Variants in TRPC5OS observed in about 807,000 individuals in gnomAD.
The protein encoded by TRPC5OS is putative uncharacterized protein TRPC5OS.
For synonymous variants in TRPC5OS, 30 were observed against 29.3 expected (o/e 1.02, Z -0.08); for missense variants, 64 against 79.3 (o/e 0.81, Z 0.73).
intron 1 of TRPC5OS, among the ~76,000 whole-genome samples, chrX:111,893,095 T>TTC (rs1491006276): frequency 9.3e-6 from 1 of 108,103 alleles, no homozygotes; most frequent in African/African-American, 3.4e-5. Context: ...TTTTTTTTTT[T>TTC]CGGATACCAG....
chrX:111,888,724 GA>G (rs1366282058), intron 1 of TRPC5OS, among the ~76,000 whole-genome samples: 2 of 86,605 alleles, frequency 2.3e-5, no homozygotes, highest in Admixed American at 2.5e-4. Flanking sequence ...AAAAAAGAAA[GA>G]AAAGAAAAGA....
chrX:111,892,887 A>C (rs17004013), intron 1 of TRPC5OS, among the ~76,000 whole-genome samples: 18,387 of 111,034 alleles, frequency 0.17, 2,803 homozygotes, highest in African/African-American at 0.49. Flanking sequence ...GAATTTCTCC[A>C]GTGCAATTAT....
At chrX:111,899,661 A>C (rs1434496499) in intron 3 of TRPC5OS, among the ~76,000 whole-genome samples, 1 of 110,887 alleles carries the variant, frequency 9.0e-6, no homozygotes, top group Non-Finnish European at 1.9e-5. Flanking sequence ...TGTATATACC[A>C]TCTAGTAGTT....
rs1438065899 is a variant in TRPC5OS at position 111,903,791 on chromosome X, G to C, written c.*1606G>C. The stretch of plus-strand genomic sequence containing the variant: ...AGGCTGGTAGATGGCATTAGATTAG[G>C]TAGTACAAGTTTTCATCCCTATTTG... On this transcript the variant is annotated 3_prime_UTR_variant, in exon 4 of 4. Transcript: ENST00000635763. 1.8e-5 allele frequency: 2 copies of C among 111,996 alleles called. No homozygotes were observed. Among genetic ancestry groups the C allele is most frequent in the Admixed American group, 1.9e-4 (2 of 10,575 alleles). The allele number at this position is 111,996 out of a possible 1,213,427, so 9.2% of individuals were successfully genotyped here.
rs1339590571 is a variant in TRPC5OS, at chrX:111,902,260, G to GTA, written c.*79_*80dup. Reference sequence around the variant, plus strand: ...CTGTTTTAATATATTCTTATTTTCTGTATATTAGCAATATGTGTTTTCTCA... The same window carrying GTA: ...CTGTTTTAATATATTCTTATTTTCTGTATATATTAGCAATATGTGTTTTCTCA... On this transcript the variant is annotated 3_prime_UTR_variant, in exon 4 of 4. Transcript: ENST00000635763. 2.8e-5 allele frequency: 19 copies of GTA among 667,616 alleles called. No individual in the cohort carries two copies. Among genetic ancestry groups the GTA allele is most frequent in the Non-Finnish European group, 3.8e-5 (18 of 473,134 alleles). The allele number at this position is 667,616 out of a possible 1,213,427, so 55.0% of individuals were successfully genotyped here.
rs781263953 is a variant in TRPC5OS, at chrX:111,889,053, A to C, written c.-545-6898A>C. Reference sequence around the variant, plus strand: ...AGGAATCAATGTAATGAAAGTAGATAAACAAGTATGAGATTTTGGAGAAAG... The same window carrying C: ...AGGAATCAATGTAATGAAAGTAGATCAACAAGTATGAGATTTTGGAGAAAG... On this transcript the variant is annotated intron_variant, in intron 1 of 3. Transcript: ENST00000635763. Among the ~76,000 whole-genome samples, 14 of 112,401 alleles carry C rather than the reference A, an allele frequency of 1.2e-4. 1 individual carries two copies. The highest frequency in any genetic ancestry group is 9.4e-4 in the Admixed American group (10 of 10,637).
At chrX:111,895,437 T>C (rs1925019359) in intron 1 of TRPC5OS, among the ~76,000 whole-genome samples, 1 of 112,071 alleles carries the variant, frequency 8.9e-6, no homozygotes, top group Non-Finnish European at 1.9e-5. Flanking sequence ...TGGATAGAAG[T>C]CCTTTGTTAG....
At chrX:111,889,015 T>C (rs2148605641) in intron 1 of TRPC5OS, among the ~76,000 whole-genome samples, 1 of 112,175 alleles carries the variant, frequency 8.9e-6, no homozygotes, top group Admixed American at 9.4e-5. Context: ...GAATGTACTG[T>C]GTTGAATTTT....
At chrX:111,881,108 GT>G (rs954948393) in intron 1 of TRPC5OS, among the ~76,000 whole-genome samples, 3 of 110,399 alleles carry the variant, frequency 2.7e-5, no homozygotes, top group African/African-American at 1.0e-4. Context: ...GGAATGCTAT[GT>G]TTTTTTGTTG....
chrX:111,900,673 G>A (rs1449959521), intron 3 of TRPC5OS, among the ~76,000 whole-genome samples: 1 of 111,387 alleles, frequency 9.0e-6, no homozygotes, highest in Non-Finnish European at 1.9e-5. Context: ...TGTAGGATGG[G>A]CTTGTGAAAC....
At position 111,901,930 on chromosome X, in the gene TRPC5OS, T is replaced by G; in HGVS notation, c.81T>G (p.Leu27=). 1 of 1,154,874 alleles carries G rather than the reference T, an allele frequency of 8.7e-7. No homozygotes were observed. Among genetic ancestry groups the G allele is most frequent in the East Asian group, 3.3e-5 (1 of 30,756 alleles). The change falls in exon 4 of 4, where the codon CTT becomes CTG. Residue 27 remains leucine, a synonymous_variant. Transcript: ENST00000635763. ...AGTTAATAAGAATAGCTGATGAGCTTTTACAATTCATTCTACAAGTACAAG... is the reference window on the plus strand; with the variant it reads ...AGTTAATAAGAATAGCTGATGAGCTGTTACAATTCATTCTACAAGTACAAG... ...VAQLIRIADE[L]LQFILQVQEV... is the part of the protein sequence containing the mutation.
At chrX:111,885,815 C>T (rs942270104) in intron 1 of TRPC5OS, among the ~76,000 whole-genome samples, 4 of 111,117 alleles carry the variant, frequency 3.6e-5, no homozygotes, top group Non-Finnish European at 7.5e-5. Context: ...GGGCATCTCC[C>T]CATAATTAAA....
At position 111,900,220 on chromosome X, in the gene TRPC5OS, G is replaced by T. The variant is rs1273049143; in HGVS notation, c.-310-1320G>T. ...GCTGGGCCCCACTCTGGTCAGAACTGCTGAAAACTGGGCAATAATAGACTT... is the reference window on the plus strand; with the variant it reads ...GCTGGGCCCCACTCTGGTCAGAACTTCTGAAAACTGGGCAATAATAGACTT... On this transcript the variant is annotated intron_variant, in intron 3 of 3. Coordinates refer to ENST00000635763, the MANE Select transcript of TRPC5OS (RefSeq NM_001195578.2). Among the ~76,000 whole-genome samples the T allele has an allele frequency of 3.6e-5, 4 of 111,908 alleles. No individual in the cohort carries two copies. In the South Asian group the frequency reaches 1.5e-3, roughly 42 times the overall value.
intron 3 of TRPC5OS, among the ~76,000 whole-genome samples, chrX:111,897,433 C>A (rs1410059789): frequency 9.0e-6 from 1 of 110,802 alleles, no homozygotes; most frequent in Non-Finnish European, 1.9e-5. Flanking sequence ...TTTAGAGTAC[C>A]ATTCAATGAG....
intron 3 of TRPC5OS, among the ~76,000 whole-genome samples, chrX:111,901,314 T>G (rs766511033): frequency 6.9e-4 from 77 of 111,349 alleles, no homozygotes; most frequent in African/African-American, 2.4e-3. Flanking sequence ...CTACCTATAC[T>G]CACTTTTCTC....
At chrX:111,876,496 A>G (rs956426812) in intron 1 of TRPC5OS, among the ~76,000 whole-genome samples, 2 of 111,982 alleles carry the variant, frequency 1.8e-5, no homozygotes, top group South Asian at 7.7e-4. Context: ...AACATCGTTT[A>G]TGTAAATTCT....
At chrX:111,877,514 GGTAT>G (rs1208500932) in intron 1 of TRPC5OS, among the ~76,000 whole-genome samples, 2 of 111,078 alleles carry the variant, frequency 1.8e-5, no homozygotes, top group Non-Finnish European at 3.8e-5. Context: ...TTGGATTTGA[GGTAT>G]GTATGGATGG....
intron 3 of TRPC5OS, among the ~76,000 whole-genome samples, chrX:111,896,976 G>A (rs766145466): frequency 2.7e-5 from 3 of 112,049 alleles, no homozygotes; most frequent in African/African-American, 6.5e-5. Context: ...AATCCAAAAC[G>A]TTTTGAGCAC....
chrX:111,892,846 T>G (rs1225249068), intron 1 of TRPC5OS, among the ~76,000 whole-genome samples: 2 of 111,806 alleles, frequency 1.8e-5, no homozygotes, highest in East Asian at 2.8e-4. Context: ...TCACTAGTCA[T>G]GATGTACCAC....
Sources: gnomAD v4.1 joint callset for allele counts (sites outside exome capture counted in the v4.1 genomes callset) on GRCh38, gnomAD v4.1.1 for gene constraint, MANE v1.5 for transcripts, NCBI Gene and HGNC (gene_info 2026-07-23, HGNC 2026-07-21) for gene names.